Variants in RAP1GDS1 observed in about 807,000 individuals in gnomAD.
RAP1GDS1 encodes Rap1 GTPase-GDP dissociation stimulator 1.
RAP1GDS1 carries 35 observed loss-of-function variants against 71.1 expected under a neutral mutation model. That is an observed-to-expected ratio of 0.49 (90% confidence interval 0.38 to 0.65). The LOEUF is 0.65. RAP1GDS1 is among the 30% of genes least tolerant of loss of function. The probability of loss-of-function intolerance (pLI) is 0.00; values close to 1 mark genes in which losing one functional copy is unlikely to be tolerated. For synonymous variants in RAP1GDS1, 229 were observed against 243.1 expected (o/e 0.94, Z 0.54); for missense variants, 663 against 706.1 (o/e 0.94, Z 0.69).
chr4:98,332,337 C>A (rs10014034), intron 2 of RAP1GDS1, among the ~76,000 whole-genome samples: 21,196 of 152,072 alleles, frequency 0.14, 2,125 homozygotes, highest in African/African-American at 0.28. Flanking sequence ...TACATCAGGA[C>A]AAGACAAGAG....
At chr4:98,304,269 C>T (rs1241055267) in intron 2 of RAP1GDS1, among the ~76,000 whole-genome samples, 2 of 152,168 alleles carry the variant, frequency 1.3e-5, no homozygotes, top group Admixed American at 6.5e-5. Flanking sequence ...GAGGAATCAG[C>T]ACCCTGTCTT....
intron 4 of RAP1GDS1, among the ~76,000 whole-genome samples, chr4:98,373,295 G>T (rs1740664200): frequency 6.6e-6 from 1 of 152,056 alleles, no homozygotes; most frequent in South Asian, 2.1e-4. Flanking sequence ...CATAGTTTTT[G>T]ATGAGAAGTC....
chr4:98,358,168 A>G (rs560336451), intron 4 of RAP1GDS1, among the ~76,000 whole-genome samples: 29 of 152,160 alleles, frequency 1.9e-4, no homozygotes, highest in Non-Finnish European at 1.2e-4. Context: ...AACTTTTGAG[A>G]CAAAATAGTA....
chr4:98,393,449 T>C (rs1401586376), intron 6 of RAP1GDS1, among the ~76,000 whole-genome samples: 7 of 151,522 alleles, frequency 4.6e-5, no homozygotes, highest in Admixed American at 4.6e-4. Context: ...CATTTAGTAT[T>C]TGACAAAGTT....
At chr4:98,279,172 C>T (rs1200720116) in intron 1 of RAP1GDS1, among the ~76,000 whole-genome samples, 4 of 151,764 alleles carry the variant, frequency 2.6e-5, no homozygotes, top group African/African-American at 9.7e-5. Context: ...TGCAGTGAGC[C>T]GAGATCGCAC....
chr4:98,391,483 T>A (rs1469309681), intron 5 of RAP1GDS1, among the ~76,000 whole-genome samples: 1 of 152,134 alleles, frequency 6.6e-6, no homozygotes, highest in Admixed American at 6.5e-5. Flanking sequence ...ATTTTTAATT[T>A]TGTATTATGA....
In RAP1GDS1 at chr4:98,295,266, A is replaced by G. The variant is rs188320823; in HGVS notation, c.112+1751A>G. On this transcript the variant is annotated intron_variant, in intron 2 of 14. Coordinates refer to ENST00000408927, the MANE Select transcript of RAP1GDS1 (RefSeq NM_001100427.2). ...TGGTCTTGTGAAATTGTGTATCACA[A>G]AATGTTAAGGCCACGTAACCACAAG... Among the ~76,000 whole-genome samples the G allele has an allele frequency of 3.5e-3, 537 of 152,206 alleles. 2 individuals carry two copies. Among genetic ancestry groups the G allele is most frequent in the Non-Finnish European group, 5.8e-3 (394 of 67,942 alleles).
At chr4:98,426,633 T>G (rs1388617180) in intron 12 of RAP1GDS1, among the ~76,000 whole-genome samples, 1 of 152,184 alleles carries the variant, frequency 6.6e-6, no homozygotes, top group South Asian at 2.1e-4. Flanking sequence ...GATAAATTCC[T>G]GGAAAAATAC....
At chr4:98,294,905 G>A (rs1212593519) in intron 2 of RAP1GDS1, among the ~76,000 whole-genome samples, 1 of 151,874 alleles carries the variant, frequency 6.6e-6, no homozygotes, top group Non-Finnish European at 1.5e-5. Context: ...ATATTTTTTT[G>A]AACAGTTGTT....
chr4:98,415,716 T>C (rs969159635), intron 7 of RAP1GDS1, among the ~76,000 whole-genome samples: 3 of 152,176 alleles, frequency 2.0e-5, no homozygotes, highest in Non-Finnish European at 4.4e-5. Flanking sequence ...AATTGGGATG[T>C]AAATTCTGTC....
intron 4 of RAP1GDS1, among the ~76,000 whole-genome samples, chr4:98,372,213 C>T (rs1740487630): frequency 1.3e-5 from 2 of 151,870 alleles, no homozygotes; most frequent in Admixed American, 6.6e-5. Context: ...CCCAGGTTAG[C>T]GTGCTGTGGC....
chr4:98,342,624 C>T (rs1265501126), intron 2 of RAP1GDS1, among the ~76,000 whole-genome samples: 1 of 152,034 alleles, frequency 6.6e-6, no homozygotes, highest in Non-Finnish European at 1.5e-5. Context: ...GAATGAGTTG[C>T]ATGAAAAACA....
At chr4:98,281,201 G>A (rs1205087256) in intron 1 of RAP1GDS1, among the ~76,000 whole-genome samples, 2 of 152,146 alleles carry the variant, frequency 1.3e-5, no homozygotes, top group Admixed American at 1.3e-4. Context: ...ATTACTTTGG[G>A]CAGTATGGCC....
intron 2 of RAP1GDS1, among the ~76,000 whole-genome samples, chr4:98,324,247 A>C (rs1732533397): frequency 1.3e-5 from 2 of 148,518 alleles, no homozygotes; most frequent in Admixed American, 6.7e-5. Context: ...AGAACTACAA[A>C]CCACTGCTCA....
chr4:98,318,476 C>T (rs1731274133), intron 2 of RAP1GDS1, among the ~76,000 whole-genome samples: 1 of 152,150 alleles, frequency 6.6e-6, no homozygotes. Flanking sequence ...TGAATGTGTA[C>T]TCGCTCTCCT....
chr4:98,399,583 T>C lies in RAP1GDS1; in HGVS notation c.638-4894T>C, dbSNP rs1045911840. 2.0e-5 allele frequency among the ~76,000 whole-genome samples: 3 copies of C among 152,186 alleles called. No individual in the cohort carries two copies. In the East Asian group the frequency reaches 5.8e-4, roughly 29 times the overall value. ...TGCTGGGACTATAGGCGTGAACCAC[T>C]GTGTCTGCCCCAGTCCCATTTTTAA... On this transcript the variant is annotated intron_variant, in intron 6 of 14. Coordinates refer to ENST00000408927, the MANE Select transcript of RAP1GDS1 (RefSeq NM_001100427.2).
chr4:98,287,524 C>A (rs1726219344), intron 1 of RAP1GDS1, among the ~76,000 whole-genome samples: 1 of 151,946 alleles, frequency 6.6e-6, no homozygotes, highest in Admixed American at 6.6e-5. Flanking sequence ...GTCATTGCAA[C>A]CTGGAGAGTC....
intron 3 of RAP1GDS1, among the ~76,000 whole-genome samples, chr4:98,348,625 C>T (rs781264943): frequency 6.6e-6 from 1 of 152,144 alleles, no homozygotes; most frequent in African/African-American, 2.4e-5. Flanking sequence ...CAATCCAGCA[C>T]CTGTTGTTTC....
chr4:98,426,870 G>A (rs1279466216), intron 12 of RAP1GDS1, among the ~76,000 whole-genome samples: 2 of 152,036 alleles, frequency 1.3e-5, no homozygotes, highest in East Asian at 3.9e-4. Flanking sequence ...ATCATTCTGT[G>A]AAGCCAATAT....
Sources: gnomAD v4.1 joint callset for allele counts (sites outside exome capture counted in the v4.1 genomes callset) on GRCh38, gnomAD v4.1.1 for gene constraint, MANE v1.5 for transcripts, NCBI Gene and HGNC (gene_info 2026-07-23, HGNC 2026-07-21) for gene names.